Variants in ARPP21 observed in about 807,000 individuals in gnomAD.
ARPP21 encodes the protein cAMP regulated phosphoprotein 21.
In ARPP21, 69 loss-of-function variants were observed where a neutral mutation model predicts 113.2. The ratio of observed to expected loss-of-function variants is 0.61; its 90% CI spans 0.50 to 0.74. The LOEUF is 0.74. Ranked by LOEUF, ARPP21 falls within the 30% of genes least tolerant of loss-of-function variation. The pLI, the probability that ARPP21 is intolerant of heterozygous loss-of-function variation, is 0.00. For missense variants in ARPP21, 1,070 were observed against 1,037.4 expected (o/e 1.03, Z -0.43); for synonymous variants, 368 against 375.5 (o/e 0.98, Z 0.23).
intron 1 of ARPP21, among the ~76,000 whole-genome samples, chr3:35,654,386 A>G (rs12632607): frequency 0.073 from 11,100 of 152,128 alleles, 559 homozygotes; most frequent in East Asian, 0.21. Context: ...ACTCAGGGAA[A>G]GGCACTACAT....
intron 19 of ARPP21, among the ~76,000 whole-genome samples, chr3:35,763,018 G>T (rs567491170): frequency 1.4e-4 from 22 of 152,196 alleles, no homozygotes; most frequent in Admixed American, 3.9e-4. Flanking sequence ...TTTTAAAATA[G>T]CATCTGGAGA....
At chr3:35,704,765 T>C (rs927104166) in intron 9 of ARPP21, among the ~76,000 whole-genome samples, 4 of 152,034 alleles carry the variant, frequency 2.6e-5, no homozygotes, top group African/African-American at 7.2e-5. Flanking sequence ...GCTTATACAT[T>C]GGTTAATTTA....
chr3:35,684,249 T>C (rs898297287), intron 5 of ARPP21: 1 of 1,248,300 alleles, frequency 8.0e-7, no homozygotes, highest in Non-Finnish European at 1.0e-6. Flanking sequence ...CATATGAAAC[T>C]TAGGAAATAG....
intron 5 of ARPP21, chr3:35,684,564 G>A: frequency 1.0e-6 from 1 of 985,504 alleles, no homozygotes. Flanking sequence ...TGCTGAAATT[G>A]TACTTATTTT....
chr3:35,717,228 A>T (rs377453428), intron 12 of ARPP21, 70 bp from the exon 13 acceptor site: 3 of 847,528 alleles, frequency 3.5e-6, no homozygotes, highest in African/African-American at 3.3e-5. Context: ...TAGAGTACAC[A>T]TCCATGTAAA....
At chr3:35,696,565 A>G (rs549431049) in intron 9 of ARPP21, among the ~76,000 whole-genome samples, 3 of 151,554 alleles carry the variant, frequency 2.0e-5, no homozygotes, top group South Asian at 4.2e-4. Context: ...CTTCTATCCC[A>G]TTGTAGGTTG....
intron 10 of ARPP21, chr3:35,707,367 C>T: frequency 1.7e-6 from 1 of 587,728 alleles, no homozygotes; most frequent in South Asian, 1.5e-5. Context: ...CGGGATGCCA[C>T]AGGCTCCGAG....
intron 11 of ARPP21, among the ~76,000 whole-genome samples, chr3:35,714,741 A>G (rs1252248526): frequency 6.6e-6 from 1 of 152,210 alleles, no homozygotes; most frequent in East Asian, 1.9e-4. Flanking sequence ...CATAAACACA[A>G]GATAGAAGAG....
chr3:35,707,873 T>A (rs2089771991), intron 10 of ARPP21, among the ~76,000 whole-genome samples: 3 of 152,114 alleles, frequency 2.0e-5, no homozygotes, highest in Admixed American at 2.0e-4. Flanking sequence ...ATTCCATAAA[T>A]TTTTAAATGA....
At chr3:35,732,918 G>T (rs555170390) in intron 15 of ARPP21, among the ~76,000 whole-genome samples, 2 of 152,004 alleles carry the variant, frequency 1.3e-5, no homozygotes, top group East Asian at 3.9e-4. Flanking sequence ...TTTGTGTTCT[G>T]TCTATAAATG....
chr3:35,772,205 A>G (rs1436411523), intron 19 of ARPP21, among the ~76,000 whole-genome samples: 1 of 152,224 alleles, frequency 6.6e-6, no homozygotes, highest in Non-Finnish European at 1.5e-5. Flanking sequence ...AAGTATCCGT[A>G]TCAGTTATTC....
chr3:35,666,884 A>C (rs574523332), intron 1 of ARPP21, among the ~76,000 whole-genome samples: 18 of 152,330 alleles, frequency 1.2e-4, no homozygotes, highest in Admixed American at 6.5e-4. Flanking sequence ...ATAAACATGC[A>C]ACCTCAACTA....
rs1016060908 is a variant in ARPP21, at chr3:35,737,338, G to C, written c.1620G>C (p.Gln540His). 6.2e-6 allele frequency: 10 copies of C among 1,611,172 alleles called. No homozygotes were observed. The highest frequency in any genetic ancestry group is 6.8e-6 in the Non-Finnish European group (8 of 1,178,376). ...AGCAGGTCCAGCCACCGCAGCCACA[G>C]ATGGCAGGCCCTCTGGTCACTCAGG... ...PQQQVQPPQP[Q>H]MAGPLVTQSV... is the part of the protein sequence containing the mutation. The change falls in exon 16 of 21, where the codon CAG becomes CAC. Residue 540 changes from glutamine to histidine, a missense_variant. Physicochemically the swap from Gln to His is conservative, Grantham distance 24. Transcript: ENST00000684406.
chr3:35,716,314 G>A (rs923226838), intron 12 of ARPP21, among the ~76,000 whole-genome samples: 3 of 152,018 alleles, frequency 2.0e-5, no homozygotes, highest in African/African-American at 7.2e-5. Flanking sequence ...TCAGGGTTTT[G>A]CTTAATGTGT....
Position 35,672,705 on chromosome 3 carries a change from A to C in ARPP21, c.-212-7082A>C, listed in dbSNP as rs982133967. Among the ~76,000 whole-genome samples, 2 of 152,154 alleles carry C rather than the reference A, an allele frequency of 1.3e-5. 1 individual carries two copies. The highest frequency in any genetic ancestry group is 6.8e-3 in the Middle Eastern group (2 of 294). On this transcript the variant is annotated intron_variant, in intron 1 of 20. Transcript: ENST00000684406. Reference sequence around the variant, plus strand: ...TAGTGGGAAGAGAATCTTTTTTACTACTTGGTTCAAATTTTGAGCTTTGTT... The same window carrying C: ...TAGTGGGAAGAGAATCTTTTTTACTCCTTGGTTCAAATTTTGAGCTTTGTT...
At chr3:35,731,201 C>A (rs2150519867) in intron 15 of ARPP21, among the ~76,000 whole-genome samples, 1 of 152,160 alleles carries the variant, frequency 6.6e-6, no homozygotes, top group South Asian at 2.1e-4. Context: ...TTTTAGGGTA[C>A]AATGCAGGAA....
intron 19 of ARPP21, among the ~76,000 whole-genome samples, chr3:35,776,300 A>C (rs2096365139): frequency 6.6e-6 from 1 of 152,182 alleles, no homozygotes; most frequent in Non-Finnish European, 1.5e-5. Flanking sequence ...TTACATTAGA[A>C]ACACTGGGAA....
intron 1 of ARPP21, among the ~76,000 whole-genome samples, chr3:35,651,421 T>G (rs1702328446): frequency 6.6e-6 from 1 of 152,094 alleles, no homozygotes; most frequent in Admixed American, 6.6e-5. Context: ...TTAATGACAC[T>G]TTTTTGTATA....
At chr3:35,738,862 G>A (rs571766199) in intron 17 of ARPP21, among the ~76,000 whole-genome samples, 14 of 152,310 alleles carry the variant, frequency 9.2e-5, no homozygotes, top group African/African-American at 3.4e-4. Context: ...CAGCCTGTTG[G>A]TGATACTGGT....
Sources: gnomAD v4.1 joint callset for allele counts (sites outside exome capture counted in the v4.1 genomes callset) on GRCh38, gnomAD v4.1.1 for gene constraint, MANE v1.5 for transcripts, NCBI Gene and HGNC (gene_info 2026-07-23, HGNC 2026-07-21) for gene names.